The following TLE1 variants were observed in gnomAD, a reference collection of about 807,000 sequenced individuals.
TLE1 encodes TLE family member 1, transcriptional corepressor, also known as transducin-like enhancer protein 1.
A neutral mutation model predicts 89.8 loss-of-function variants in TLE1; 21 were observed. The observed-to-expected ratio is 0.23, with a 90% confidence interval of 0.17 to 0.34. The LOEUF (loss-of-function observed/expected upper bound fraction) is 0.34, where lower values mean the gene tolerates loss of function less well. Among genes scored for constraint, TLE1 ranks in the 10% least tolerant of loss-of-function variants. TLE1 has a pLI of 1.00. For missense variants in TLE1, 795 were observed against 1,031.2 expected, an observed-to-expected ratio of 0.77 and a Z score of 3.14; for synonymous variants, 447 against 407.6, an observed-to-expected ratio of 1.10 and a Z score of -1.16.
intron 4 of TLE1, among the ~76,000 whole-genome samples, chr9:81,668,434 G>T (rs1357387173): frequency 6.6e-6 from 1 of 152,104 alleles, no homozygotes; most frequent in Non-Finnish European, 1.5e-5. Context: ...AGGTGCCATG[G>T]TGTATGGATT....
At chr9:81,680,869 G>A (rs1395883429) in intron 4 of TLE1, among the ~76,000 whole-genome samples, 3 of 140,230 alleles carry the variant, frequency 2.1e-5, no homozygotes, top group African/African-American at 8.1e-5. Flanking sequence ...TGTGTGAGAT[G>A]TTGACTTAGG....
intron 1 of TLE1, 77 bp from the exon 2 acceptor site, chr9:81,687,511 G>C (rs1209913122): frequency 9.3e-7 from 1 of 1,073,084 alleles, no homozygotes; most frequent in Non-Finnish European, 1.4e-6. Context: ...GAGAAGGCAA[G>C]AACGGGTGGG....
At chr9:81,594,723 C>T (rs1472573532) in intron 14 of TLE1, among the ~76,000 whole-genome samples, 1 of 152,104 alleles carries the variant, frequency 6.6e-6, no homozygotes, top group Non-Finnish European at 1.5e-5. Flanking sequence ...TCATTGGCAG[C>T]TTTAAATATA....
rs1311772786 is a variant in TLE1 at position 81,591,017 on chromosome 9, T to A, written c.1617A>T (p.Leu539=). 1 of 1,614,218 alleles carries A rather than the reference T, an allele frequency of 6.2e-7. No individual in the cohort carries two copies. Among genetic ancestry groups the A allele is most frequent in the South Asian group, 1.1e-5 (1 of 91,086 alleles). Residue 539 remains leucine (L), a synonymous_variant, in exon 16 of 20, where the codon CTA becomes CTT. Transcript: ENST00000376499. ...RDNYIRSCKL[L]PDGCTLIVGG... ...CCACTATGAGAGTGCAGCCATCGGG[T>A]AGCAATTTACAGGAACGGATATAAT...
At chr9:81,651,390 G>C (rs1829511826) in intron 6 of TLE1, among the ~76,000 whole-genome samples, 1 of 152,170 alleles carries the variant, frequency 6.6e-6, no homozygotes, top group African/African-American at 2.4e-5. Flanking sequence ...CGGTTCACCA[G>C]ATTCATTAAT....
rs144335336 is a variant in TLE1 at position 81,640,283 on chromosome 9, T to C, written c.373-5982A>G. Among the ~76,000 whole-genome samples, 42 of 152,082 alleles carry C rather than the reference T, an allele frequency of 2.8e-4. 2 individuals are homozygous for C. In the East Asian group the frequency reaches 7.7e-3, roughly 28 times the overall value. ...TCTTGTTTAAAAAATAAAAATACTA[T>C]TCAACATTCAATCACATTCACTGTC... On this transcript the variant is annotated intron_variant, in intron 6 of 19. Transcript: ENST00000376499.
intron 4 of TLE1, among the ~76,000 whole-genome samples, chr9:81,672,649 TG>T (rs1832376222): frequency 6.6e-6 from 1 of 152,072 alleles, no homozygotes; most frequent in Non-Finnish European, 1.5e-5. Flanking sequence ...TCCCCACAGG[TG>T]TACATATCCC....
chr9:81,662,887 G>A (rs1012846350), intron 4 of TLE1, among the ~76,000 whole-genome samples: 2 of 151,836 alleles, frequency 1.3e-5, no homozygotes, highest in African/African-American at 4.8e-5. Flanking sequence ...TCACCCTGTT[G>A]CCCAGGCTGG....
intron 6 of TLE1, among the ~76,000 whole-genome samples, chr9:81,650,587 A>G (rs996571398): frequency 2.6e-5 from 4 of 152,226 alleles, no homozygotes; most frequent in African/African-American, 9.6e-5. Flanking sequence ...GATCTCTGAA[A>G]TAAAGCAATT....
intron 8 of TLE1, among the ~76,000 whole-genome samples, chr9:81,631,606 G>A (rs1344111871): frequency 6.6e-6 from 1 of 151,980 alleles, no homozygotes; most frequent in Non-Finnish European, 1.5e-5. Context: ...TACATATATG[G>A]TATGCACTCA....
intron 17 of TLE1, among the ~76,000 whole-genome samples, chr9:81,587,460 C>A (rs1828673012): frequency 6.6e-6 from 1 of 152,174 alleles, no homozygotes; most frequent in South Asian, 2.1e-4. Flanking sequence ...CACACCTTAA[C>A]CTACAGGATT....
intron 4 of TLE1, among the ~76,000 whole-genome samples, chr9:81,664,676 A>C (rs1831233252): frequency 6.6e-6 from 1 of 152,050 alleles, no homozygotes; most frequent in Non-Finnish European, 1.5e-5. Flanking sequence ...CAGCCTGGGC[A>C]ACATAGGGAA....
intron 15 of TLE1, among the ~76,000 whole-genome samples, chr9:81,591,415 T>A (rs1829472897): frequency 6.6e-6 from 1 of 152,200 alleles, no homozygotes. Flanking sequence ...TGCAGGCCCA[T>A]CCTCTATGTT....
At chr9:81,628,734 G>A (rs960917951) in intron 8 of TLE1, among the ~76,000 whole-genome samples, 6 of 146,758 alleles carry the variant, frequency 4.1e-5, no homozygotes, top group Non-Finnish European at 6.0e-5. Flanking sequence ...CAACATGGTC[G>A]CTCAGATTAC....
At chr9:81,605,502 T>C (rs1831518337) in intron 14 of TLE1, among the ~76,000 whole-genome samples, 1 of 152,168 alleles carries the variant, frequency 6.6e-6, no homozygotes, top group Non-Finnish European at 1.5e-5. Flanking sequence ...TCAGGCAATA[T>C]TACTTTACTA....
At chr9:81,658,995 G>A (rs1381495931) in intron 4 of TLE1, among the ~76,000 whole-genome samples, 2 of 151,876 alleles carry the variant, frequency 1.3e-5, no homozygotes, top group African/African-American at 2.4e-5. Context: ...TGCAACCTCC[G>A]ACTCCCTGGT....
At chr9:81,682,362 T>C (rs1833741439) in intron 4 of TLE1, among the ~76,000 whole-genome samples, 2 of 151,932 alleles carry the variant, frequency 1.3e-5, no homozygotes, top group South Asian at 4.1e-4. Context: ...TCTGAACACG[T>C]GCACACAGCT....
chr9:81,667,075 T>A (rs1831560981), intron 4 of TLE1, among the ~76,000 whole-genome samples: 1 of 151,992 alleles, frequency 6.6e-6, no homozygotes, highest in Non-Finnish European at 1.5e-5. Flanking sequence ...GGAGTTTTGA[T>A]TAAGCCACTG....
At chr9:81,666,259 C>T (rs1019798468) in intron 4 of TLE1, among the ~76,000 whole-genome samples, 1 of 152,090 alleles carries the variant, frequency 6.6e-6, no homozygotes, top group African/African-American at 2.4e-5. Flanking sequence ...CACAGATCAT[C>T]ACCGTGAAGT....
Sources: allele counts gnomAD v4.1 joint callset (sites outside exome capture counted in the v4.1 genomes callset), GRCh38; gene constraint gnomAD v4.1.1; transcripts MANE v1.5; gene names NCBI Gene and HGNC (gene_info 2026-07-23, HGNC 2026-07-21).